Variants in CDYL observed in about 807,000 individuals in gnomAD.
The protein encoded by CDYL is chromodomain Y like.
A neutral mutation model predicts 47.3 loss-of-function variants in CDYL; 8 were observed. The ratio of observed to expected loss-of-function variants is 0.17; its 90% CI spans 0.10 to 0.31. The LOEUF (loss-of-function observed/expected upper bound fraction) is 0.31, where lower values mean the gene tolerates loss of function less well. Among genes scored for constraint, CDYL ranks in the 10% least tolerant of loss-of-function variants. CDYL has a pLI of 1.00. For synonymous variants in CDYL, 266 were observed against 265.0 expected, an observed-to-expected ratio of 1.00 and a Z score of -0.04; for missense variants, 471 against 701.4, an observed-to-expected ratio of 0.67 and a Z score of 3.71.
intron 6 of CDYL, among the ~76,000 whole-genome samples, chr6:4,952,839 C>G (rs1758749352): frequency 6.6e-6 from 1 of 152,078 alleles, no homozygotes; most frequent in African/African-American, 2.4e-5. Context: ...GGAATCTTGG[C>G]TCACTGCAAC....
Position 4,915,812 on chromosome 6 carries a change from G to C in CDYL, c.692-19703G>C, listed in dbSNP as rs567637367. 6.6e-5 allele frequency among the ~76,000 whole-genome samples: 10 copies of C among 152,326 alleles called. No individual in the cohort carries two copies. In the East Asian group the frequency reaches 1.9e-3, roughly 29 times the overall value. ...TTCCAGAGAGGCTGACACCTTTTCA[G>C]CTCTGATAAGAGACAGTCACCCTAT... On this transcript the variant is annotated intron_variant, in intron 2 of 6. Coordinates refer to ENST00000397588, the MANE Select transcript of CDYL (RefSeq NM_004824.4).
At chr6:4,815,102 C>A (rs1038152158) in intron 1 of CDYL, among the ~76,000 whole-genome samples, 4 of 152,144 alleles carry the variant, frequency 2.6e-5, no homozygotes, top group Non-Finnish European at 4.4e-5. Flanking sequence ...TTTAATAGTA[C>A]ATGCTTATGC....
chr6:4,801,271 T>C (rs919009970), intron 1 of CDYL, among the ~76,000 whole-genome samples: 1 of 152,242 alleles, frequency 6.6e-6, no homozygotes, highest in Non-Finnish European at 1.5e-5. Context: ...GATACCATAT[T>C]TTCCTTCAAT....
intron 1 of CDYL, among the ~76,000 whole-genome samples, chr6:4,873,544 A>G (rs553926067): frequency 1.5e-4 from 23 of 152,166 alleles, no homozygotes; most frequent in South Asian, 6.2e-4. Context: ...GTTCTGTGCA[A>G]TTTTTAATGG....
At chr6:4,851,839 A>T (rs1009283985) in intron 1 of CDYL, among the ~76,000 whole-genome samples, 2 of 152,192 alleles carry the variant, frequency 1.3e-5, no homozygotes, top group East Asian at 1.9e-4. Context: ...ATGGTCCAGG[A>T]CTGAGGAGTG....
At chr6:4,944,975 G>A (rs573123797) in intron 5 of CDYL, among the ~76,000 whole-genome samples, 8 of 152,270 alleles carry the variant, frequency 5.3e-5, no homozygotes, top group African/African-American at 1.9e-4. Flanking sequence ...AGGAACGTCA[G>A]GCCCAGACTG....
chr6:4,784,216 T>G (rs910611126), intron 1 of CDYL, among the ~76,000 whole-genome samples: 5 of 152,242 alleles, frequency 3.3e-5, no homozygotes, highest in Non-Finnish European at 7.3e-5. Context: ...CAATTCGTTT[T>G]TTAAGTCTTT....
chr6:4,831,388 T>C (rs1760139284), intron 1 of CDYL, among the ~76,000 whole-genome samples: 1 of 152,190 alleles, frequency 6.6e-6, no homozygotes, highest in South Asian at 2.1e-4. Flanking sequence ...CAGATAGTTG[T>C]AGATATGCGG....
At chr6:4,851,825 G>C (rs1760837208) in intron 1 of CDYL, among the ~76,000 whole-genome samples, 1 of 152,140 alleles carries the variant, frequency 6.6e-6, no homozygotes, top group South Asian at 2.1e-4. Context: ...GTCAAATTTG[G>C]GGAATGGTCC....
intron 1 of CDYL, among the ~76,000 whole-genome samples, chr6:4,707,332 G>A (rs1172458214): frequency 1.3e-5 from 2 of 152,168 alleles, no homozygotes; most frequent in African/African-American, 4.8e-5. Flanking sequence ...CTGGAGTGCA[G>A]TGGCGTACAG....
At chr6:4,737,543 A>G (rs369959284) in intron 3 of CDYL, among the ~76,000 whole-genome samples, 89 of 151,346 alleles carry the variant, frequency 5.9e-4, no homozygotes, top group African/African-American at 2.1e-3. Context: ...GCTACTCAGG[A>G]GGCTGAGGCA....
chr6:4,764,006 G>A (rs111917156), intron 3 of CDYL, among the ~76,000 whole-genome samples: 4,903 of 151,934 alleles, frequency 0.032, 270 homozygotes, highest in African/African-American at 0.11. Flanking sequence ...ATCAATGAAG[G>A]AAAGAAAAAG....
chr6:4,881,291 C>T (rs547528958), intron 1 of CDYL, among the ~76,000 whole-genome samples: 9 of 152,040 alleles, frequency 5.9e-5, no homozygotes, highest in African/African-American at 1.2e-4. Flanking sequence ...TTTGACATTT[C>T]GTTATAATTC....
intron 1 of CDYL, among the ~76,000 whole-genome samples, chr6:4,801,238 A>T (rs1341563741): frequency 6.6e-6 from 1 of 152,142 alleles, no homozygotes; most frequent in African/African-American, 2.4e-5. Flanking sequence ...CTCCCTTGAG[A>T]TTGCCATATC....
chr6:4,728,666 T>C (rs1342328388), intron 2 of CDYL, among the ~76,000 whole-genome samples: 1 of 152,094 alleles, frequency 6.6e-6, no homozygotes, highest in Non-Finnish European at 1.5e-5. Context: ...TGGACACTTG[T>C]CGAGGAATTC....
chr6:4,897,790 G>GTTTTGTTTTGT (rs75519192), intron 2 of CDYL, among the ~76,000 whole-genome samples: 43 of 140,258 alleles, frequency 3.1e-4, no homozygotes, highest in East Asian at 4.0e-4. Flanking sequence ...GAAGGTTTTT[G>GTTTTGTTTTGT]TTTTTTTTTT....
At chr6:4,763,380 TATA>T (rs1252052994) in intron 3 of CDYL, among the ~76,000 whole-genome samples, 2 of 152,224 alleles carry the variant, frequency 1.3e-5, no homozygotes, top group Non-Finnish European at 2.9e-5. Flanking sequence ...AGCCAATAAT[TATA>T]ATAATTTTTA....
chr6:4,803,511 C>G (rs1759283094), intron 1 of CDYL, among the ~76,000 whole-genome samples: 1 of 152,150 alleles, frequency 6.6e-6, no homozygotes, highest in South Asian at 2.1e-4. Context: ...TTTCAGGATT[C>G]TCTCACCAAC....
chr6:4,951,865 A>C (rs1758714444), intron 5 of CDYL, among the ~76,000 whole-genome samples: 1 of 152,190 alleles, frequency 6.6e-6, no homozygotes, highest in East Asian at 1.9e-4. Context: ...TTTGTGTATT[A>C]AAAGAGCTCA....
Sources: gnomAD v4.1 joint callset for allele counts (sites outside exome capture counted in the v4.1 genomes callset) on GRCh38, gnomAD v4.1.1 for gene constraint, MANE v1.5 for transcripts, NCBI Gene and HGNC (gene_info 2026-07-23, HGNC 2026-07-21) for gene names.